Variants in KIAA0232 observed in about 807,000 individuals in gnomAD.
KIAA0232 encodes KIAA0232.
KIAA0232 carries 27 observed loss-of-function variants against 122.0 expected under a neutral mutation model. That is an observed-to-expected ratio of 0.22 (90% CI 0.16 to 0.31). The LOEUF is 0.31. KIAA0232 is among the 10% of genes least tolerant of loss of function. KIAA0232 has a pLI of 1.00. For missense variants in KIAA0232, 1,551 were observed against 1,634.2 expected, an observed-to-expected ratio of 0.95 and a Z score of 0.88; for synonymous variants, 613 against 587.6, an observed-to-expected ratio of 1.04 and a Z score of -0.63.
At chr4:6,783,693 C>T (rs1716472633) in intron 1 of KIAA0232, among the ~76,000 whole-genome samples, 1 of 148,138 alleles carries the variant, frequency 6.8e-6, no homozygotes, top group Admixed American at 6.7e-5. Context: ...CGGGGCGCGG[C>T]GCGGGGGGCG....
At chr4:6,831,889 T>A (rs1165416937) in intron 3 of KIAA0232, among the ~76,000 whole-genome samples, 2 of 152,236 alleles carry the variant, frequency 1.3e-5, no homozygotes, top group African/African-American at 2.4e-5. Context: ...TCTCAGCCTC[T>A]TGTCCCGGAC....
At chr4:6,816,978 T>G (rs539184077) in intron 2 of KIAA0232, among the ~76,000 whole-genome samples, 306 of 152,310 alleles carry the variant, frequency 2.0e-3, no homozygotes, top group African/African-American at 7.0e-3. Context: ...CTATGTCTTC[T>G]CTCTTTCCTG....
chr4:6,813,613 C>T (rs28758762), intron 2 of KIAA0232, among the ~76,000 whole-genome samples: 2,357 of 152,190 alleles, frequency 0.015, 21 homozygotes, highest in Non-Finnish European at 0.025. Flanking sequence ...CCGCCCGCCT[C>T]GGCCTCCCAA....
intron 3 of KIAA0232, among the ~76,000 whole-genome samples, chr4:6,838,724 C>T (rs984882577): frequency 1.4e-5 from 2 of 137,966 alleles, no homozygotes; most frequent in Non-Finnish European, 3.0e-5. Context: ...ACTTTCAAAG[C>T]AGCTTTTTTT....
Position 6,824,782 on chromosome 4 carries a change from CAT to C in KIAA0232, c.231+99_231+100del, listed in dbSNP as rs1718590983. ...TTTTATACTTTAAAACTGAGCTATTCATGTGTGTGTGCAAACATTTAACCTGT... is the reference window on the plus strand; with the variant it reads ...TTTTATACTTTAAAACTGAGCTATTCGTGTGTGTGCAAACATTTAACCTGT... On this transcript the variant is annotated intron_variant, in intron 3 of 9. Coordinates refer to ENST00000307659, the MANE Select transcript of KIAA0232 (RefSeq NM_014743.3). The C allele has an allele frequency of 4.0e-6, 4 of 996,206 alleles. No homozygotes were observed. In the South Asian group the frequency reaches 6.0e-5, roughly 15 times the overall value. 61.7% of individuals were successfully genotyped at this position (996,206 alleles called of 1,614,324 possible).
chr4:6,862,593 T>G lies in KIAA0232; in HGVS notation c.2211T>G (p.Phe737Leu). 1 of 1,613,956 alleles carries G rather than the reference T, an allele frequency of 6.2e-7. No individual in the cohort carries two copies. The highest frequency in any genetic ancestry group is 1.1e-5 in the South Asian group (1 of 90,958). The stretch of plus-strand genomic sequence containing the variant: ...TTCAGTTTGAAGAATCCACACAGTT[T>G]AATGCCGAAGATATTAATTATGTAG... Reference protein sequence around the residue: ...LNIQFEESTQFNAEDINYVVP... With the variant: ...LNIQFEESTQLNAEDINYVVP... Residue 737 changes from phenylalanine (F) to leucine (L), a missense_variant, in exon 7 of 10, where the codon TTT (phenylalanine) becomes TTG (leucine). By Grantham distance (22) the Phe-to-Leu change is conservative. This residue lies in a region of KIAA0232 where 1,108 missense variants were observed against 1,154.8 expected (regional missense o/e 0.96). Transcript: ENST00000307659.
chr4:6,839,096 A>G (rs1213518990), intron 3 of KIAA0232, among the ~76,000 whole-genome samples: 1 of 152,228 alleles, frequency 6.6e-6, no homozygotes, highest in Non-Finnish European at 1.5e-5. Context: ...ACTACACTCC[A>G]GCCTGGGTTA....
intron 2 of KIAA0232, among the ~76,000 whole-genome samples, chr4:6,809,373 A>C (rs901923129): frequency 7.9e-5 from 12 of 152,222 alleles, no homozygotes; most frequent in Non-Finnish European, 1.5e-4. Flanking sequence ...CACTTCCAGG[A>C]GGAAGCATTC....
chr4:6,813,273 T>G (rs1250011073), intron 2 of KIAA0232, among the ~76,000 whole-genome samples: 1 of 152,178 alleles, frequency 6.6e-6, no homozygotes, highest in South Asian at 2.1e-4. Flanking sequence ...ATTAAATTAC[T>G]TGTGTGAAGT....
chr4:6,859,556 C>T (rs181988852), intron 6 of KIAA0232, among the ~76,000 whole-genome samples: 7 of 152,268 alleles, frequency 4.6e-5, no homozygotes, highest in African/African-American at 1.7e-4. Context: ...ATGATAATAT[C>T]AGGAGTTTAG....
chr4:6,852,518 T>C (rs1720346705), intron 4 of KIAA0232, among the ~76,000 whole-genome samples: 1 of 152,214 alleles, frequency 6.6e-6, no homozygotes, highest in South Asian at 2.1e-4. Flanking sequence ...TTCCTACCAC[T>C]AATCTTCCAA....
intron 2 of KIAA0232, among the ~76,000 whole-genome samples, chr4:6,808,876 C>A (rs1046372854): frequency 6.6e-6 from 1 of 152,214 alleles, no homozygotes; most frequent in African/African-American, 2.4e-5. Context: ...AAGCATTCTA[C>A]TAAATGGTAC....
intron 3 of KIAA0232, among the ~76,000 whole-genome samples, chr4:6,835,439 AAAC>A (rs1216687045): frequency 1.3e-5 from 2 of 152,168 alleles, no homozygotes; most frequent in Non-Finnish European, 2.9e-5. Context: ...TCCAAAGAAA[AAAC>A]AAGCCTTACC....
intron 7 of KIAA0232, among the ~76,000 whole-genome samples, chr4:6,870,018 G>A (rs964778676): frequency 2.0e-5 from 3 of 152,178 alleles, no homozygotes; most frequent in Non-Finnish European, 2.9e-5. Context: ...CACCCTGGGC[G>A]AGCTGGGGCA....
chr4:6,853,844 T>C (rs570414583), intron 4 of KIAA0232, among the ~76,000 whole-genome samples: 20 of 152,298 alleles, frequency 1.3e-4, no homozygotes, highest in Non-Finnish European at 1.3e-4. Context: ...GTGATAGGAA[T>C]TTGTCAGGGA....
intron 2 of KIAA0232, among the ~76,000 whole-genome samples, chr4:6,808,970 G>A (rs1244191701): frequency 1.3e-5 from 2 of 152,166 alleles, no homozygotes; most frequent in African/African-American, 4.8e-5. Flanking sequence ...TTAGAGAATA[G>A]TATAAAAGGA....
intron 1 of KIAA0232, among the ~76,000 whole-genome samples, chr4:6,787,859 T>TA (rs1386640684): frequency 6.6e-6 from 1 of 152,206 alleles, no homozygotes; most frequent in African/African-American, 2.4e-5. Flanking sequence ...ACCTGAGGGA[T>TA]ACGACAGTTT....
rs906523361 is a variant in KIAA0232, at chr4:6,883,917, C to T, written c.*2951C>T. 9.2e-5 allele frequency: 14 copies of T among 152,116 alleles called. No individual in the cohort carries two copies. The highest frequency in any genetic ancestry group is 3.4e-4 in the African/African-American group (14 of 41,418). The allele number at this position is 152,116 out of a possible 1,614,324, so 9.4% of individuals were successfully genotyped here. The stretch of plus-strand genomic sequence containing the variant: ...CATTCAAGAGTGTACTATACTTGTT[C>T]TTCTATAACATCAGAAATAGGTTTT... On this transcript the variant is annotated 3_prime_UTR_variant, in exon 10 of 10. Coordinates refer to ENST00000307659, the MANE Select transcript of KIAA0232 (RefSeq NM_014743.3).
chr4:6,802,466 A>G (rs1009636158), intron 1 of KIAA0232, among the ~76,000 whole-genome samples: 1 of 152,094 alleles, frequency 6.6e-6, no homozygotes, highest in African/African-American at 2.4e-5. Flanking sequence ...GATTGATTTC[A>G]TTTGACTCAT....
Sources: allele counts gnomAD v4.1 joint callset (sites outside exome capture counted in the v4.1 genomes callset), GRCh38; gene constraint gnomAD v4.1.1; regional missense constraint gnomAD v4.1.1; transcripts MANE v1.5; gene names NCBI Gene and HGNC (gene_info 2026-07-23, HGNC 2026-07-21).